Variants in AUTS2 observed in about 807,000 individuals in gnomAD.
The protein encoded by AUTS2 is activator of transcription and developmental regulator AUTS2.
AUTS2 carries 17 observed loss-of-function variants against 112.4 expected under a neutral mutation model. That is an observed-to-expected ratio of 0.15 (90% CI 0.10 to 0.23). The LOEUF is 0.23. Ranked by LOEUF, AUTS2 falls within the 10% of genes least tolerant of loss-of-function variation. AUTS2 has a pLI of 1.00. For missense variants in AUTS2, 1,510 were observed against 1,701.6 expected (o/e 0.89, Z 1.98); for synonymous variants, 751 against 702.7 (o/e 1.07, Z -1.09).
At chr7:70,339,939 A>C (rs1040831243) in intron 4 of AUTS2, among the ~76,000 whole-genome samples, 2 of 152,180 alleles carry the variant, frequency 1.3e-5, no homozygotes, top group African/African-American at 4.8e-5. Context: ...GAGATTTGAG[A>C]GTGCCAGAGA....
rs76135816 is a variant in AUTS2, at chr7:69,659,242, A to G, written c.309+59280A>G. On this transcript the variant is annotated intron_variant, in intron 1 of 18. Transcript: ENST00000342771. The stretch of plus-strand genomic sequence containing the variant: ...TGCTGGGGTTTGAGGGAGTAGAGGA[A>G]TTTGTGAAGAAGGAAAGAAGGTTAG... 7.6e-3 allele frequency among the ~76,000 whole-genome samples: 1,163 copies of G among 152,262 alleles called. 13 individuals are homozygous for G. Among genetic ancestry groups the G allele is most frequent in the East Asian group, 0.053 (273 of 5,176 alleles).
intron 2 of AUTS2, among the ~76,000 whole-genome samples, chr7:70,014,718 T>C (rs188437104): frequency 1.3e-3 from 192 of 152,368 alleles, no homozygotes; most frequent in Non-Finnish European, 2.5e-3. Flanking sequence ...AAATGACACA[T>C]GCCTGTAGGC....
intron 1 of AUTS2, among the ~76,000 whole-genome samples, chr7:69,872,274 C>G (rs542315980): frequency 6.6e-6 from 1 of 152,206 alleles, no homozygotes; most frequent in African/African-American, 2.4e-5. Flanking sequence ...TTATCTCTTA[C>G]GTTCCTTGTT....
chr7:70,393,191 G>C (rs1019111792), intron 4 of AUTS2, among the ~76,000 whole-genome samples: 4 of 152,118 alleles, frequency 2.6e-5, no homozygotes, highest in Admixed American at 6.5e-5. Flanking sequence ...TCACCTCCTC[G>C]GGAGACTGAA....
intron 5 of AUTS2, among the ~76,000 whole-genome samples, chr7:70,679,077 C>T (rs1808074315): frequency 6.6e-6 from 1 of 152,016 alleles, no homozygotes; most frequent in Non-Finnish European, 1.5e-5. Flanking sequence ...ATATACCAAG[C>T]ATAATGAGAG....
chr7:70,211,868 C>T (rs1352157302), intron 4 of AUTS2, among the ~76,000 whole-genome samples: 1 of 151,718 alleles, frequency 6.6e-6, no homozygotes, highest in African/African-American at 2.4e-5. Context: ...CGTCTGTAGT[C>T]CCAGCTACTC....
At chr7:70,585,852 T>G (rs1585335767) in intron 5 of AUTS2, among the ~76,000 whole-genome samples, 1 of 84 alleles carries the variant, frequency 0.012, no homozygotes, top group East Asian at 0.25. Context: ...ATTTATTTAT[T>G]TATTTATGTA....
intron 5 of AUTS2, among the ~76,000 whole-genome samples, chr7:70,496,156 A>T (rs1798484071): frequency 7.9e-6 from 1 of 127,256 alleles, no homozygotes; most frequent in Non-Finnish European, 1.7e-5. Context: ...ACTCACACAC[A>T]CCACGTACAC....
intron 5 of AUTS2, among the ~76,000 whole-genome samples, chr7:70,643,175 A>T (rs1205150761): frequency 6.6e-6 from 1 of 152,232 alleles, no homozygotes; most frequent in Non-Finnish European, 1.5e-5. Flanking sequence ...TGACAATGAT[A>T]CTGGACTATG....
At chr7:70,141,017 T>G (rs1806833790) in intron 4 of AUTS2, among the ~76,000 whole-genome samples, 3 of 152,194 alleles carry the variant, frequency 2.0e-5, no homozygotes, top group Non-Finnish European at 4.4e-5. Flanking sequence ...ATGAGAAGTG[T>G]AAGTAGAGCA....
chr7:70,573,290 G>T (rs1410244419), intron 5 of AUTS2, among the ~76,000 whole-genome samples: 2 of 152,194 alleles, frequency 1.3e-5, no homozygotes, highest in Non-Finnish European at 2.9e-5. Flanking sequence ...GATTTAATGA[G>T]CTGGGAACGT....
At chr7:69,901,025 C>T (rs1444762509) in intron 2 of AUTS2, among the ~76,000 whole-genome samples, 1 of 152,110 alleles carries the variant, frequency 6.6e-6, no homozygotes, top group African/African-American at 2.4e-5. Flanking sequence ...TGTCTGAGGC[C>T]TTGTCAATGA....
intron 4 of AUTS2, among the ~76,000 whole-genome samples, chr7:70,143,179 G>A (rs896916488): frequency 2.6e-5 from 4 of 152,202 alleles, no homozygotes; most frequent in African/African-American, 9.6e-5. Flanking sequence ...AAGAGGAAAA[G>A]TGGTATTTTA....
intron 1 of AUTS2, among the ~76,000 whole-genome samples, chr7:69,780,730 G>C (rs1350273858): frequency 6.6e-6 from 1 of 152,182 alleles, no homozygotes; most frequent in Non-Finnish European, 1.5e-5. Flanking sequence ...GGGACAAATG[G>C]TCACTGGTGA....
intron 16 of AUTS2, 51 bp downstream of exon 16, chr7:70,785,070 G>A: frequency 6.3e-7 from 1 of 1,588,372 alleles, no homozygotes. Flanking sequence ...AGGCAACCCT[G>A]CTGTGTTTAC....
intron 5 of AUTS2, among the ~76,000 whole-genome samples, chr7:70,504,507 A>G (rs922412177): frequency 6.6e-6 from 1 of 152,200 alleles, no homozygotes; most frequent in African/African-American, 2.4e-5. Context: ...GAGGACTTGC[A>G]GATGAAATGT....
chr7:70,215,663 T>C (rs1277317344), intron 4 of AUTS2, among the ~76,000 whole-genome samples: 3 of 152,148 alleles, frequency 2.0e-5, no homozygotes, highest in Non-Finnish European at 4.4e-5. Context: ...GGACTGGACT[T>C]ATATCAGTTG....
intron 1 of AUTS2, among the ~76,000 whole-genome samples, chr7:69,768,161 GA>G (rs1328346213): frequency 3.3e-5 from 5 of 152,120 alleles, no homozygotes; most frequent in African/African-American, 1.2e-4. Flanking sequence ...GGATGGAGTG[GA>G]ATTAATAGTT....
intron 4 of AUTS2, among the ~76,000 whole-genome samples, chr7:70,262,104 T>C (rs1787196420): frequency 6.6e-6 from 1 of 152,230 alleles, no homozygotes; most frequent in African/African-American, 2.4e-5. Flanking sequence ...TCTGTAAACT[T>C]TAAAAGCAGG....
Sources: allele counts gnomAD v4.1 joint callset (sites outside exome capture counted in the v4.1 genomes callset), GRCh38; gene constraint gnomAD v4.1.1; transcripts MANE v1.5; gene names NCBI Gene and HGNC (gene_info 2026-07-23, HGNC 2026-07-21).